The following MRPL45 variants were observed in gnomAD, a reference collection of about 807,000 sequenced individuals.
The protein encoded by MRPL45 is large ribosomal subunit protein mL45.
A neutral mutation model predicts 38.1 loss-of-function variants in MRPL45; 20 were observed. The observed-to-expected ratio is 0.53, with a 90% CI of 0.37 to 0.76. MRPL45 has a LOEUF of 0.76. MRPL45 is among the 30% of genes least tolerant of loss of function. The pLI is 0.00. For synonymous variants in MRPL45, 105 were observed against 128.8 expected (o/e 0.82, Z 1.25); for missense variants, 337 against 395.6 (o/e 0.85, Z 1.26).
intron 4 of MRPL45, among the ~76,000 whole-genome samples, chr17:38,317,808 C>T (rs1464654238): frequency 2.0e-5 from 3 of 151,868 alleles, no homozygotes; most frequent in Admixed American, 1.3e-4. Flanking sequence ...CTCCTGACCT[C>T]ATGATCCACC....
At position 38,298,975 on chromosome 17, in the gene MRPL45, GC is replaced by G. The variant is rs560072329; in HGVS notation, c.244+355del. Among the ~76,000 whole-genome samples the G allele has an allele frequency of 2.7e-3, 409 of 150,976 alleles. 2 individuals are homozygous for G. Among genetic ancestry groups the G allele is most frequent in the African/African-American group, 9.3e-3 (384 of 41,156 alleles). ...ACAATCTGGGCTCACTGCAACCTCT[GC>G]CCCCCTGGGTTCAAGCGATTCTCCT... is the stretch of plus-strand genomic sequence containing the variant. On this transcript the variant is annotated intron_variant, in intron 2 of 7. Transcript: ENST00000613675.
chr17:38,322,915 C>T lies in MRPL45; in HGVS notation c.*320C>T, dbSNP rs1459526903. 7.3e-6 allele frequency: 2 copies of T among 275,478 alleles called. No homozygotes were observed. Among genetic ancestry groups the T allele is most frequent in the Non-Finnish European group, 6.9e-6 (1 of 144,332 alleles). 17.1% of individuals were successfully genotyped at this position (275,478 alleles called of 1,614,324 possible). ...ACTGTGAGAGACAACCAGCAGCATC[C>T]TCTTTGTAATCACAGGGCAGGGATC... is the stretch of plus-strand genomic sequence containing the variant. On this transcript the variant is annotated 3_prime_UTR_variant, in exon 8 of 8. Transcript: ENST00000613675.
chr17:38,309,010 G>A (rs1207415215), intron 4 of MRPL45, among the ~76,000 whole-genome samples: 3 of 151,518 alleles, frequency 2.0e-5, no homozygotes, highest in Non-Finnish European at 2.9e-5. Flanking sequence ...AGTTTGAAAC[G>A]ATTCTGCTGC....
At chr17:38,317,083 A>G (rs984391647) in intron 4 of MRPL45, among the ~76,000 whole-genome samples, 2 of 152,198 alleles carry the variant, frequency 1.3e-5, no homozygotes, top group Non-Finnish European at 2.9e-5. Flanking sequence ...GGCATGAGCC[A>G]CCGCACCCGG....
intron 6 of MRPL45, among the ~76,000 whole-genome samples, chr17:38,321,894 T>C (rs971986609): frequency 6.7e-6 from 1 of 149,696 alleles, no homozygotes; most frequent in Non-Finnish European, 1.5e-5. Flanking sequence ...CATCCAGGAG[T>C]GGTGGCACGT....
intron 1 of MRPL45, 40 bp from the exon 2 acceptor site, chr17:38,298,409 A>C: frequency 7.1e-7 from 1 of 1,417,180 alleles, no homozygotes; most frequent in Non-Finnish European, 9.7e-7. Flanking sequence ...AAGATAGTAG[A>C]TCTTTTTTCT....
At position 38,322,251 on chromosome 17, in the gene MRPL45, TA is replaced by T; in HGVS notation, c.787del (p.Thr263ProfsTer18). 1 of 1,614,126 alleles carries T rather than the reference TA, an allele frequency of 6.2e-7. No individual in the cohort carries two copies. Among genetic ancestry groups the T allele is most frequent in the Non-Finnish European group, 8.5e-7 (1 of 1,180,010 alleles). ...ACCCCTATGGAAGCTGGAGAATGCA[TA>T]CCAAGATCGTTCCCCCATGGGCACC... ...TNPYGSWRMHTKIVPPWAPPK... is the reference protein window; with the variant it reads ...TNPYGSWRMHXKIVPPWAPPK... On this transcript the variant is annotated frameshift_variant, in exon 7 of 8. Transcript: ENST00000613675. LOFTEE classifies it high-confidence loss of function.
chr17:38,302,889 T>A (rs2037013137), intron 3 of MRPL45, among the ~76,000 whole-genome samples: 1 of 149,248 alleles, frequency 6.7e-6, no homozygotes, highest in African/African-American at 2.5e-5. Flanking sequence ...CATGCCCCAC[T>A]GATTTTTGTA....
chr17:38,310,473 T>C (rs1251633334), intron 4 of MRPL45, among the ~76,000 whole-genome samples: 2 of 151,956 alleles, frequency 1.3e-5, no homozygotes, highest in African/African-American at 2.4e-5. Context: ...AGACTACAGG[T>C]GCACACCATG....
chr17:38,300,007 T>C (rs1210404495), intron 3 of MRPL45, among the ~76,000 whole-genome samples: 1 of 152,092 alleles, frequency 6.6e-6, no homozygotes, highest in African/African-American at 2.4e-5. Flanking sequence ...CCCAAAGTGC[T>C]GGGATTACAG....
At position 38,322,744 on chromosome 17, in the gene MRPL45, T is replaced by C. The variant is rs1320587836; in HGVS notation, c.*149T>C. On this transcript the variant is annotated 3_prime_UTR_variant, in exon 8 of 8. Transcript: ENST00000613675. ...TCAGCAGTCTCATCATCAGCAACCATGACTGATGACTGGGCCCTAGCAGGT... is the reference window on the plus strand; with the variant it reads ...TCAGCAGTCTCATCATCAGCAACCACGACTGATGACTGGGCCCTAGCAGGT... The C allele has an allele frequency of 4.8e-6, 3 of 619,808 alleles. No homozygotes were observed. The highest frequency in any genetic ancestry group is 3.7e-5 in the African/African-American group (2 of 54,150). The allele number at this position is 619,808 out of a possible 1,614,324, so 38.4% of individuals were successfully genotyped here. A position where few individuals can be genotyped will look rare whatever the true frequency, so the allele number is the denominator to read the frequency against.
rs754138410 is a variant in MRPL45, at chr17:38,322,300, G to C, written c.834+1G>C. 8 of 1,613,806 alleles carry C rather than the reference G, an allele frequency of 5.0e-6. No homozygotes were observed. In the Admixed American group the frequency reaches 6.7e-5, roughly 13 times the overall value. ...ACCCCCTAAGCAGCCCATCCTTAAG[G>C]TAAGGTGGCTTGCATGGTTTAAGAG... On this transcript the variant is annotated splice_donor_variant, in intron 7 of 7. Coordinates refer to ENST00000613675, the MANE Select transcript of MRPL45 (RefSeq NM_032351.6). LOFTEE classifies it high-confidence loss of function.
chr17:38,305,235 G>A (rs2037039908), intron 3 of MRPL45, among the ~76,000 whole-genome samples: 1 of 126,764 alleles, frequency 7.9e-6, no homozygotes, highest in South Asian at 3.4e-4. Flanking sequence ...TTGGGAGGCC[G>A]AGGCAGGCAG....
rs756935732 is a variant in MRPL45 at position 38,322,254 on chromosome 17, C to T, written c.789C>T (p.Thr263=). Residue 263 remains threonine, a synonymous_variant, in exon 7 of 8, where the codon ACC becomes ACT. Coordinates refer to ENST00000613675, the MANE Select transcript of MRPL45 (RefSeq NM_032351.6). ...CCTATGGAAGCTGGAGAATGCATAC[C>T]AAGATCGTTCCCCCATGGGCACCCC... ...TNPYGSWRMH[T]KIVPPWAPPK... The T allele has an allele frequency of 3.1e-6, 5 of 1,614,062 alleles. No individual in the cohort carries two copies. Among genetic ancestry groups the T allele is most frequent in the Non-Finnish European group, 4.2e-6 (5 of 1,180,018 alleles).
At chr17:38,313,383 TAC>T (rs2037143811) in intron 4 of MRPL45, among the ~76,000 whole-genome samples, 2 of 25,104 alleles carry the variant, frequency 8.0e-5, no homozygotes, top group African/African-American at 2.8e-4. Context: ...TATATATATA[TAC>T]ATATATATAT....
chr17:38,318,578 G>A (rs933844043), intron 4 of MRPL45, 109 bp from the exon 5 acceptor site: 8 of 816,910 alleles, frequency 9.8e-6, no homozygotes, highest in East Asian at 2.5e-5. Context: ...TAGATGTGCC[G>A]AAAACATTTG....
At chr17:38,308,020 T>C (rs1385121796) in intron 4 of MRPL45, among the ~76,000 whole-genome samples, 1 of 152,000 alleles carries the variant, frequency 6.6e-6, no homozygotes, top group Non-Finnish European at 1.5e-5. Context: ...TCCTCCCATC[T>C]CAGCCCCCTG....
chr17:38,306,637 T>C lies in MRPL45; in HGVS notation c.461+6T>C. ...GCTCACCTTTGTCTAAATAAGTAAG[T>C]GAACTCCCTATCTTTACCCATTCTG... On this transcript the variant is annotated splice_donor_region_variant and intron_variant, in intron 4 of 7. Transcript: ENST00000613675. 6.2e-7 allele frequency: 1 copy of C among 1,613,494 alleles called. No individual in the cohort carries two copies. The highest frequency in any genetic ancestry group is 8.5e-7 in the Non-Finnish European group (1 of 1,179,830).
chr17:38,308,863 T>C (rs1321618381), intron 4 of MRPL45, among the ~76,000 whole-genome samples: 2 of 152,136 alleles, frequency 1.3e-5, no homozygotes, highest in Non-Finnish European at 2.9e-5. Flanking sequence ...AATTAACTTT[T>C]TTTTTTTTCA....
Sources: allele counts gnomAD v4.1 joint callset (sites outside exome capture counted in the v4.1 genomes callset), GRCh38; gene constraint gnomAD v4.1.1; transcripts MANE v1.5; gene names NCBI Gene and HGNC (gene_info 2026-07-23, HGNC 2026-07-21).